HIVEP3: variants seen among roughly 807,000 people sequenced by gnomAD.
The protein encoded by HIVEP3 is HIVEP zinc finger 3, also known as transcription factor HIVEP3.
In HIVEP3, 49 loss-of-function variants were observed where a neutral mutation model predicts 152.8. The observed-to-expected ratio is 0.32, with a 90% CI of 0.26 to 0.41. HIVEP3 has a LOEUF of 0.41. Ranked by LOEUF, HIVEP3 falls within the 10% of genes least tolerant of loss-of-function variation. The pLI is 1.00. For missense variants in HIVEP3, 2,790 were observed against 3,103.3 expected, an observed-to-expected ratio of 0.90 and a Z score of 2.40; for synonymous variants, 1,269 against 1,289.0, an observed-to-expected ratio of 0.98 and a Z score of 0.33.
rs1553253035 is a variant in HIVEP3, at chr1:41,722,403, G to GCCTGCCTTCCTTCCTT, written c.-800-21409_-800-21408insAAGGAAGGAAGGCAGG. Among the ~76,000 whole-genome samples, 658 of 113,022 alleles carry GCCTGCCTTCCTTCCTT rather than the reference G, an allele frequency of 5.8e-3. 10 individuals are homozygous for GCCTGCCTTCCTTCCTT. The highest frequency in any genetic ancestry group is 0.023 in the African/African-American group (630 of 27,604). The allele number at this position is 113,022 out of a possible 152,430, so 74.1% of individuals were successfully genotyped here. A position where few individuals can be genotyped will look rare whatever the true frequency, so the allele number is the denominator to read the frequency against. On this transcript the variant is annotated intron_variant, in intron 1 of 8. Coordinates refer to ENST00000372583, the MANE Select transcript of HIVEP3 (RefSeq NM_024503.5). ...GAGATCAGCAAAATAAATTTGGCTG[G>GCCTGCCTTCCTTCCTT]CCTTCCTTCCTTCCTTCCTTCCTTC...
At chr1:41,706,155 A>G (rs937916342) in intron 1 of HIVEP3, among the ~76,000 whole-genome samples, 2 of 152,200 alleles carry the variant, frequency 1.3e-5, no homozygotes, top group African/African-American at 4.8e-5. Context: ...AAATGATCTC[A>G]TTGCCCAAGT....
chr1:41,713,883 G>C lies in HIVEP3; in HGVS notation c.-800-12888C>G, dbSNP rs555883141. Among the ~76,000 whole-genome samples, 6 of 152,374 alleles carry C rather than the reference G, an allele frequency of 3.9e-5. No homozygotes were observed. In the South Asian group the frequency reaches 1.2e-3, roughly 32 times the overall value. On this transcript the variant is annotated intron_variant, in intron 1 of 8. Transcript: ENST00000372583. ...GGGCTGGAGAGAGCTGCAGGATGAT[G>C]GTGGGAGGGTGGCAGGGAGCTGAGA...
intron 1 of HIVEP3, among the ~76,000 whole-genome samples, chr1:41,950,272 T>C (rs926987609): frequency 6.6e-6 from 1 of 152,132 alleles, no homozygotes; most frequent in Non-Finnish European, 1.5e-5. Context: ...TCCCTTTGTA[T>C]GGGAGTTCTG....
At chr1:41,812,110 T>A (rs616366) in intron 1 of HIVEP3, among the ~76,000 whole-genome samples, 56,976 of 152,020 alleles carry the variant, frequency 0.37, 11,908 homozygotes, top group East Asian at 0.8. Context: ...CTTTGAGACA[T>A]ACACAGGTGC....
chr1:41,574,231 T>C (rs1467613143), intron 5 of HIVEP3, among the ~76,000 whole-genome samples: 1 of 152,054 alleles, frequency 6.6e-6, no homozygotes, highest in Non-Finnish European at 1.5e-5. Flanking sequence ...TGCCTCTGTG[T>C]GGCCTCTAAG....
chr1:41,853,541 C>G (rs972907852), intron 1 of HIVEP3, among the ~76,000 whole-genome samples: 4 of 152,228 alleles, frequency 2.6e-5, no homozygotes, highest in African/African-American at 9.6e-5. Flanking sequence ...TCAATCACCT[C>G]CACCTGCTCT....
chr1:41,940,853 G>A (rs1013485596), intron 1 of HIVEP3, among the ~76,000 whole-genome samples: 1 of 151,784 alleles, frequency 6.6e-6, no homozygotes, highest in Non-Finnish European at 1.5e-5. Flanking sequence ...AGAGGAGAGA[G>A]AGGGGGAGGA....
chr1:41,554,616 C>A (rs1643937162), intron 5 of HIVEP3, among the ~76,000 whole-genome samples: 1 of 152,204 alleles, frequency 6.6e-6, no homozygotes, highest in African/African-American at 2.4e-5. Flanking sequence ...TTTTCCCCAT[C>A]TTTGTTGTTT....
intron 1 of HIVEP3, among the ~76,000 whole-genome samples, chr1:41,890,982 C>T (rs569846980): frequency 3.3e-5 from 5 of 152,308 alleles, no homozygotes; most frequent in South Asian, 2.1e-4. Flanking sequence ...TTCCACCACA[C>T]GGGAGCCCTG....
intron 2 of HIVEP3, among the ~76,000 whole-genome samples, chr1:41,653,478 A>T (rs1645582245): frequency 6.6e-6 from 1 of 152,164 alleles, no homozygotes; most frequent in African/African-American, 2.4e-5. Context: ...CCTGTAACAC[A>T]TCTTTACACC....
At chr1:41,844,351 T>C (rs1280711043) in intron 1 of HIVEP3, among the ~76,000 whole-genome samples, 1 of 152,336 alleles carries the variant, frequency 6.6e-6, no homozygotes, top group East Asian at 1.9e-4. Flanking sequence ...AGATAGAATG[T>C]TCTATTTTAA....
intron 1 of HIVEP3, among the ~76,000 whole-genome samples, chr1:41,723,992 C>G (rs193086308): frequency 1.4e-4 from 21 of 152,292 alleles, no homozygotes; most frequent in African/African-American, 4.1e-4. Context: ...TTCCCAACTT[C>G]CTTCAAATGC....
chr1:41,863,285 G>A (rs887214700), intron 1 of HIVEP3, among the ~76,000 whole-genome samples: 3 of 152,182 alleles, frequency 2.0e-5, no homozygotes, highest in Non-Finnish European at 4.4e-5. Flanking sequence ...AAAAAGCAGA[G>A]AACGCTGGAA....
intron 6 of HIVEP3, among the ~76,000 whole-genome samples, chr1:41,520,981 C>A (rs745884566): frequency 1.4e-4 from 22 of 152,174 alleles, no homozygotes; most frequent in Non-Finnish European, 2.9e-4. Flanking sequence ...TCCATCTAGA[C>A]CCAGGTCTCA....
intron 2 of HIVEP3, among the ~76,000 whole-genome samples, chr1:41,663,051 C>T (rs528916559): frequency 2.6e-5 from 4 of 152,362 alleles, no homozygotes; most frequent in Admixed American, 2.6e-4. Flanking sequence ...CCAGAAGCTG[C>T]TGGATCTCGG....
chr1:41,788,871 G>A (rs1026820286), intron 1 of HIVEP3, among the ~76,000 whole-genome samples: 5 of 152,210 alleles, frequency 3.3e-5, no homozygotes, highest in Non-Finnish European at 4.4e-5. Flanking sequence ...CTTGGTAGCT[G>A]AGCCCAGCTT....
At position 41,581,355 on chromosome 1, in the gene HIVEP3, A is replaced by G; in HGVS notation, c.3443T>C (p.Phe1148Ser). The G allele has an allele frequency of 1.2e-6, 2 of 1,613,616 alleles. No individual in the cohort carries two copies. The highest frequency in any genetic ancestry group is 1.7e-6 in the Non-Finnish European group (2 of 1,179,800). ...TGGCTCATGCTGCACGAGATGCTGG[A>G]AGGAGAAAAGGGAGACTGGTGGGGG... is the stretch of plus-strand genomic sequence containing the variant. ...YLPPPVSLFS[F>S]QHLVQHEPGQ... Residue 1148 changes from phenylalanine (F) to serine (S), a missense_variant, in exon 4 of 9, where the codon TTC (phenylalanine) becomes TCC (serine). This residue lies in a region of HIVEP3 where 1,078 missense variants were observed against 1,165.3 expected (regional missense o/e 0.93). Coordinates refer to ENST00000372583, the MANE Select transcript of HIVEP3 (RefSeq NM_024503.5). This position sits in a 1 kb window ranked among gnomAD's most constrained non-coding sequence, Gnocchi z 4.5.
At chr1:41,513,895 A>G (rs1642526900) in intron 7 of HIVEP3, 145 bp from the exon 8 acceptor site, 2 of 603,334 alleles carry the variant, frequency 3.3e-6, no homozygotes, top group African/African-American at 3.8e-5. Flanking sequence ...TGGGACAACC[A>G]AGAAACGTAA....
At chr1:41,826,391 G>A (rs1251581863) in intron 1 of HIVEP3, among the ~76,000 whole-genome samples, 1 of 152,210 alleles carries the variant, frequency 6.6e-6, no homozygotes, top group Non-Finnish European at 1.5e-5. Flanking sequence ...TTGCATGGGT[G>A]TGAGATGCCC....
Sources: gnomAD v4.1 joint callset for allele counts (sites outside exome capture counted in the v4.1 genomes callset) on GRCh38, gnomAD v4.1.1 for gene constraint, gnomAD v4.1.1 regional missense constraint, Gnocchi (gnomAD v3.1) non-coding constraint, MANE v1.5 for transcripts, NCBI Gene and HGNC (gene_info 2026-07-23, HGNC 2026-07-21) for gene names.